FREM1: variants seen among roughly 807,000 people sequenced by gnomAD.
The protein encoded by FREM1 is FRAS1-related extracellular matrix protein 1.
Under a neutral mutation model 210.1 loss-of-function variants are expected in FREM1, and 220 were observed. The observed-to-expected ratio is 1.05, with a 90% CI of 0.94 to 1.17. FREM1 has a LOEUF of 1.17. Ranked by LOEUF, FREM1 falls within the 50% of genes most tolerant of loss-of-function variation. The pLI is 0.00. For missense variants in FREM1, 3,454 were observed against 2,675.5 expected, an observed-to-expected ratio of 1.29 and a Z score of -6.42; for synonymous variants, 1,189 against 980.2, an observed-to-expected ratio of 1.21 and a Z score of -3.98.
intron 1 of FREM1, among the ~76,000 whole-genome samples, chr9:14,905,904 GAA>G (rs35772565): frequency 6.7e-6 from 1 of 148,776 alleles, no homozygotes; most frequent in East Asian, 2.0e-4. Context: ...TTTAAAAAAA[GAA>G]AAAAAAAAAG....
chr9:14,796,379 T>C (rs1852388563), intron 21 of FREM1, among the ~76,000 whole-genome samples: 1 of 152,224 alleles, frequency 6.6e-6, no homozygotes, highest in Non-Finnish European at 1.5e-5. Flanking sequence ...AGAGAAGAGT[T>C]GGTCCCCTAA....
At chr9:14,808,982 G>C (rs1186629413) in intron 16 of FREM1, among the ~76,000 whole-genome samples, 1 of 152,182 alleles carries the variant, frequency 6.6e-6, no homozygotes, top group Non-Finnish European at 1.5e-5. Flanking sequence ...CAGTGATACG[G>C]TTTGGTTGTT....
At chr9:14,864,252 G>A (rs1250604557) in intron 2 of FREM1, among the ~76,000 whole-genome samples, 3 of 152,184 alleles carry the variant, frequency 2.0e-5, no homozygotes, top group Non-Finnish European at 4.4e-5. Flanking sequence ...CCTTTCAGGG[G>A]TTCACAGCAA....
At chr9:14,751,451 C>T (rs532938534) in intron 29 of FREM1, among the ~76,000 whole-genome samples, 1 of 152,164 alleles carries the variant, frequency 6.6e-6, no homozygotes, top group Non-Finnish European at 1.5e-5. Context: ...GAGTTTGAGA[C>T]CAACCTGGCC....
intron 35 of FREM1, among the ~76,000 whole-genome samples, chr9:14,746,040 G>GGAAAA (rs1219894904): frequency 6.6e-6 from 1 of 152,048 alleles, no homozygotes; most frequent in Non-Finnish European, 1.5e-5. Context: ...GACTGAGATA[G>GGAAAA]GAAAAGAAAA....
intron 21 of FREM1, among the ~76,000 whole-genome samples, chr9:14,796,910 G>A (rs192534877): frequency 6.6e-6 from 1 of 152,308 alleles, no homozygotes; most frequent in Admixed American, 6.5e-5. Context: ...GGGAGATACT[G>A]AGAAAGTTTA....
chr9:14,749,261 C>T (rs1261703888), intron 30 of FREM1, among the ~76,000 whole-genome samples: 2 of 152,090 alleles, frequency 1.3e-5, no homozygotes, highest in Non-Finnish European at 2.9e-5. Flanking sequence ...TTATGTACTT[C>T]ATGTGACCAG....
At chr9:14,861,135 A>ATACATATATACACATGTATG (rs1564106100) in intron 3 of FREM1, among the ~76,000 whole-genome samples, 4 of 139,560 alleles carry the variant, frequency 2.9e-5, no homozygotes, top group Middle Eastern at 4.0e-3. Flanking sequence ...ATACACATAT[A>ATACATATATACACATGTATG]TACATATATA....
chr9:14,803,818 C>T (rs911501132), intron 19 of FREM1, among the ~76,000 whole-genome samples: 1 of 152,202 alleles, frequency 6.6e-6, no homozygotes, highest in African/African-American at 2.4e-5. Flanking sequence ...TCTAGCCCTA[C>T]TTATTAAATA....
chr9:14,840,292 A>T (rs940267824), intron 10 of FREM1, among the ~76,000 whole-genome samples: 9 of 152,196 alleles, frequency 5.9e-5, no homozygotes, highest in Non-Finnish European at 1.3e-4. Context: ...ATAGGTACAA[A>T]ATGCCTAGCA....
At position 14,825,522 on chromosome 9, in the gene FREM1, CAT is replaced by C. The variant is rs200797334; in HGVS notation, c.1882-532_1882-531del. 2.6e-3 allele frequency among the ~76,000 whole-genome samples: 98 copies of C among 37,102 alleles called. 2 individuals are homozygous for C. The highest frequency in any genetic ancestry group is 0.017 in the Middle Eastern group (1 of 58). 24.3% of individuals were successfully genotyped at this position (37,102 alleles called of 152,430 possible). On this transcript the variant is annotated intron_variant, in intron 10 of 36. Coordinates refer to ENST00000380880, the MANE Select transcript of FREM1 (RefSeq NM_001379081.2). ...AAAAAAAAAAGTATATATATACATA[CAT>C]ATATATATATATGTGTGTGTGTGTA... is the stretch of plus-strand genomic sequence containing the variant.
At chr9:14,841,694 C>T in intron 9 of FREM1, 105 bp from the exon 10 acceptor site, 4 of 728,514 alleles carry the variant, frequency 5.5e-6, no homozygotes, top group Non-Finnish European at 8.2e-6. Context: ...CTAGTACATT[C>T]TATGTACCCA....
chr9:14,786,224 C>T (rs141075534), intron 23 of FREM1, among the ~76,000 whole-genome samples: 7 of 152,226 alleles, frequency 4.6e-5, no homozygotes, highest in East Asian at 1.9e-4. Flanking sequence ...ATTAATAAAA[C>T]ATTGAGTGAG....
intron 2 of FREM1, among the ~76,000 whole-genome samples, chr9:14,864,491 T>C (rs539933676): frequency 6.6e-6 from 1 of 152,340 alleles, no homozygotes; most frequent in African/African-American, 2.4e-5. Flanking sequence ...AAAACTGCTT[T>C]CATTAGTTAG....
At chr9:14,775,298 C>CA (rs1848352384) in intron 25 of FREM1, among the ~76,000 whole-genome samples, 1 of 152,190 alleles carries the variant, frequency 6.6e-6, no homozygotes, top group South Asian at 2.1e-4. Context: ...CATCAACACT[C>CA]ACGGTCAGTC....
chr9:14,813,755 A>G (rs1281357500), intron 15 of FREM1, among the ~76,000 whole-genome samples: 1 of 110,190 alleles, frequency 9.1e-6, no homozygotes, highest in Non-Finnish European at 1.8e-5. Context: ...GGAAAAGCAT[A>G]TCTTCTAAAA....
At chr9:14,741,594 C>T (rs754270966) in intron 35 of FREM1, among the ~76,000 whole-genome samples, 1 of 152,162 alleles carries the variant, frequency 6.6e-6, no homozygotes, top group Non-Finnish European at 1.5e-5. Context: ...CTCTAAAGCG[C>T]TGTAGGCTTA....
chr9:14,861,020 CACATATATACATATAT>C lies in FREM1; in HGVS notation c.330-1552_330-1537del, dbSNP rs199934343. Among the ~76,000 whole-genome samples, 9 of 101,488 alleles carry C rather than the reference CACATATATACATATAT, an allele frequency of 8.9e-5. 2 individuals are homozygous for C. Among genetic ancestry groups the C allele is most frequent in the South Asian group, 2.9e-4 (1 of 3,438 alleles). 66.6% of individuals were successfully genotyped at this position (101,488 alleles called of 152,430 possible). On this transcript the variant is annotated intron_variant, in intron 3 of 36. Coordinates refer to ENST00000380880, the MANE Select transcript of FREM1 (RefSeq NM_001379081.2). ...ATATATACACATATATACATATATA[CACATATATACATATAT>C]ACATATATACATATATACATATATA... is the stretch of plus-strand genomic sequence containing the variant.
intron 2 of FREM1, among the ~76,000 whole-genome samples, chr9:14,866,225 G>C (rs1297913701): frequency 1.3e-5 from 2 of 152,164 alleles, no homozygotes; most frequent in Admixed American, 1.3e-4. Context: ...CTTAAAATCA[G>C]AGAGTGTGAG....
Sources: gnomAD v4.1 joint callset for allele counts (sites outside exome capture counted in the v4.1 genomes callset) on GRCh38, gnomAD v4.1.1 for gene constraint, MANE v1.5 for transcripts, NCBI Gene and HGNC (gene_info 2026-07-23, HGNC 2026-07-21) for gene names.